Variants in ABCC6 observed in about 807,000 individuals in gnomAD.
The protein encoded by ABCC6 is ATP binding cassette subfamily C member 6.
Under a neutral mutation model 169.5 loss-of-function variants are expected in ABCC6, and 126 were observed. The ratio of observed to expected loss-of-function variants is 0.74; its 90% CI spans 0.64 to 0.86. The LOEUF (loss-of-function observed/expected upper bound fraction) is 0.86, where lower values mean the gene tolerates loss of function less well. ABCC6 is among the 40% of genes least tolerant of loss of function. ABCC6 has a pLI of 0.00. For missense variants in ABCC6, 1,733 were observed against 1,927.2 expected (o/e 0.90, Z 1.89); for synonymous variants, 752 against 814.7 (o/e 0.92, Z 1.31).
rs56071235 is a variant in ABCC6, at chr16:16,184,198, C to CAAAA, written c.1943+757_1943+760dup. On this transcript the variant is annotated intron_variant, in intron 15 of 30. Coordinates refer to ENST00000205557, the MANE Select transcript of ABCC6 (RefSeq NM_001171.6). ...CGCGTGATAGAGCAAGACTCCGTTTCAAAAAAAAAAAAAAAAAAAAAAAAA... is the reference window on the plus strand; with the variant it reads ...CGCGTGATAGAGCAAGACTCCGTTTCAAAAAAAAAAAAAAAAAAAAAAAAAAAAA... The CAAAA allele has an allele frequency of 3.6e-4, 26 of 71,948 alleles. 2 individuals are homozygous for CAAAA. The highest frequency in any genetic ancestry group is 1.2e-3 in the African/African-American group (19 of 16,148). The allele number at this position is 71,948 out of a possible 1,614,324, so 4.5% of individuals were successfully genotyped here. A position where few individuals can be genotyped will look rare whatever the true frequency, so the allele number is the denominator to read the frequency against.
intron 25 of ABCC6, among the ~76,000 whole-genome samples, chr16:16,160,172 C>T (rs908553477): frequency 1.3e-5 from 2 of 152,106 alleles, no homozygotes; most frequent in African/African-American, 4.8e-5. Flanking sequence ...TCACTTCCTC[C>T]TAAGTCACCT....
At position 16,152,946 on chromosome 16, in the gene ABCC6, G is replaced by C. The variant is rs937410874; in HGVS notation, c.4208+1682C>G. ...GAGTCTTACTCTGTCACCCAGGCTG[G>C]AGTGCAGTGGCACAATCTTGGCTCA... is the stretch of plus-strand genomic sequence containing the variant. On this transcript the variant is annotated intron_variant, in intron 29 of 30. Coordinates refer to ENST00000205557, the MANE Select transcript of ABCC6 (RefSeq NM_001171.6). 2.2e-4 allele frequency among the ~76,000 whole-genome samples: 33 copies of C among 152,076 alleles called. 1 individual carries two copies. The highest frequency in any genetic ancestry group is 7.7e-4 in the African/African-American group (32 of 41,488).
In ABCC6 at chr16:16,154,920, G is replaced by T. The variant is rs767636709; in HGVS notation, c.3994C>A (p.His1332Asn). 3 of 1,608,362 alleles carry T rather than the reference G, an allele frequency of 1.9e-6. No individual in the cohort carries two copies. The highest frequency in any genetic ancestry group is 1.7e-6 in the Non-Finnish European group (2 of 1,177,628). ...GAGCGCAGTGTGTGCAGCCCCACGT[G>T]GGCAATGGGGACCCCGTCGATCCAG... ...GIWIDGVPIA[H>N]VGLHTLRSRI... Residue 1332 changes from histidine to asparagine, a missense_variant, in exon 28 of 31, where the codon CAC becomes AAC. By Grantham distance (68) the His-to-Asn change is moderately conservative. This residue lies in a region of ABCC6 where 1,601 missense variants were observed against 1,635.5 expected (regional missense o/e 0.98). Transcript: ENST00000205557.
rs1404751032 is a variant in ABCC6 at position 16,184,963 on chromosome 16, G to A, written c.1939C>T (p.His647Tyr). ...ACTACGGGTGTCGTTCTGTACCTGT[G>A]GAGGCAGGGAGGGCTTTCCTGGGAC... ...AWSQESPPCL[H>Y]RINLTVPQGC... The change falls in exon 15 of 31, where the codon CAC (histidine) becomes TAC (tyrosine). Residue 647 changes from histidine to tyrosine, a missense_variant. Physicochemically the swap from His to Tyr is moderately conservative, Grantham distance 83. This residue lies in a region of ABCC6 where 1,601 missense variants were observed against 1,635.5 expected (regional missense o/e 0.98). Coordinates refer to ENST00000205557, the MANE Select transcript of ABCC6 (RefSeq NM_001171.6). 1 of 1,612,900 alleles carries A rather than the reference G, an allele frequency of 6.2e-7. No individual in the cohort carries two copies. The highest frequency in any genetic ancestry group is 2.2e-5 in the East Asian group (1 of 44,866).
At chr16:16,220,845 C>T (rs1040896331) in intron 2 of ABCC6, among the ~76,000 whole-genome samples, 17 of 150,576 alleles carry the variant, frequency 1.1e-4, no homozygotes, top group African/African-American at 3.7e-4. Context: ...TGCAGTGAGC[C>T]GAGATCGCAC....
intron 23 of ABCC6, 92 bp downstream of exon 23, chr16:16,165,531 G>T: frequency 7.0e-7 from 1 of 1,436,364 alleles, no homozygotes; most frequent in Non-Finnish European, 9.7e-7. Context: ...GTCCAGCTGG[G>T]TGAAACCTCA....
chr16:16,154,522 AGTGATAATC>A, intron 29 of ABCC6, 97 bp downstream of exon 29: 1 of 1,380,740 alleles, frequency 7.2e-7, no homozygotes, highest in South Asian at 1.2e-5. Flanking sequence ...AATGTAACAG[AGTGATAATC>A]CTATCGGGGG....
intron 11 of ABCC6, among the ~76,000 whole-genome samples, chr16:16,192,542 C>A (rs2152272444): frequency 6.6e-6 from 1 of 152,156 alleles, no homozygotes; most frequent in Non-Finnish European, 1.5e-5. Context: ...ATTTTGGATG[C>A]ATTTTGAAGG....
At chr16:16,206,249 G>A (rs2048388163) in intron 7 of ABCC6, among the ~76,000 whole-genome samples, 1 of 152,194 alleles carries the variant, frequency 6.6e-6, no homozygotes, top group Non-Finnish European at 1.5e-5. Flanking sequence ...GCCATTTAGT[G>A]CAGATCTCAC....
chr16:16,222,992 G>A (rs2049122974), intron 1 of ABCC6: 1 of 225,404 alleles, frequency 4.4e-6, no homozygotes, highest in Admixed American at 5.2e-5. Context: ...CCAGTTTATT[G>A]CTTCAACTCC....
rs571666620 is a variant in ABCC6 at position 16,213,686 on chromosome 16, G to A, written c.600+638C>T. Among the ~76,000 whole-genome samples, 916 of 145,608 alleles carry A rather than the reference G, an allele frequency of 6.3e-3. 10 individuals are homozygous for A. The highest frequency in any genetic ancestry group is 0.02 in the African/African-American group (780 of 39,312). On this transcript the variant is annotated intron_variant, in intron 5 of 30. Coordinates refer to ENST00000205557, the MANE Select transcript of ABCC6 (RefSeq NM_001171.6). The stretch of plus-strand genomic sequence containing the variant: ...AGCAATTCTCCTGCCTCAGCCTCCC[G>A]AGTAGCTGGGATTACAGGCGTGCAC...
chr16:16,154,647 C>T lies in ABCC6; in HGVS notation c.4189G>A (p.Asp1397Asn), dbSNP rs749035807. The T allele has an allele frequency of 5.0e-6, 8 of 1,612,492 alleles. No homozygotes were observed. The highest frequency in any genetic ancestry group is 3.3e-5 in the South Asian group (3 of 91,016). The change falls in exon 29 of 31, where the codon GAC becomes AAC. Residue 1397 changes from aspartate to asparagine, a missense_variant. By Grantham distance (23) the Asp-to-Asn change is conservative. Transcript: ENST00000205557. ...CCATACCTCAGGTCCTCGCCTCGGT[C>T]AGCACACTTGTACTGCAGCTGGCCG... ...LPGQLQYKCA[D>N]RGEDLSVGQK...
rs774043587 is a variant in ABCC6, at chr16:16,178,954, G to C, written c.2259C>G (p.Leu753=). 47 of 1,612,640 alleles carry C rather than the reference G, an allele frequency of 2.9e-5. No homozygotes were observed. Among genetic ancestry groups the C allele is most frequent in the Non-Finnish European group, 3.6e-5 (42 of 1,180,016 alleles). ...HTSIGEQGMN[L]SGGQKQRLSL... ...TCAGCCGCTGCTTCTGGCCTCCGGA[G>C]AGATTCATGCCCTGTGGCCACAAAA... The change falls in exon 18 of 31, where the codon CTC becomes CTG. Residue 753 remains leucine (L), a synonymous_variant. Transcript: ENST00000205557.
At chr16:16,192,342 A>G (rs1198304116) in intron 11 of ABCC6, among the ~76,000 whole-genome samples, 1 of 152,136 alleles carries the variant, frequency 6.6e-6, no homozygotes, top group Non-Finnish European at 1.5e-5. Context: ...TCTTTGGCTC[A>G]GTCTGAGGAA....
intron 21 of ABCC6, among the ~76,000 whole-genome samples, chr16:16,172,251 T>G: frequency 7.0e-6 from 1 of 143,692 alleles, no homozygotes; most frequent in Non-Finnish European, 1.5e-5. Context: ...GATGGATAAA[T>G]GGGTGGGTGG....
intron 8 of ABCC6, among the ~76,000 whole-genome samples, chr16:16,202,974 G>A (rs1233092758): frequency 1.3e-5 from 2 of 152,150 alleles, no homozygotes; most frequent in South Asian, 2.1e-4. Context: ...ACAAGTCTGA[G>A]CTAGCCTTTT....
rs369157557 is a variant in ABCC6 at position 16,150,616 on chromosome 16, G to A, written c.4365C>T (p.Leu1455=). ...TCACGGAGCGCAGGCGGTGGGCAATGAGCAGCACAGTGCACTGTGCAAACC... is the reference window on the plus strand; with the variant it reads ...TCACGGAGCGCAGGCGGTGGGCAATAAGCAGCACAGTGCACTGTGCAAACC... ...GSWFAQCTVL[L]IAHRLRSVMD... Residue 1455 remains leucine (L), a synonymous_variant, in exon 30 of 31, where the codon CTC becomes CTT. Transcript: ENST00000205557. 1 of 1,613,164 alleles carries A rather than the reference G, an allele frequency of 6.2e-7. No homozygotes were observed. The highest frequency in any genetic ancestry group is 1.3e-5 in the African/African-American group (1 of 74,948).
rs944015667 is a variant in ABCC6 at position 16,202,089 on chromosome 16, T to C, written c.1088A>G (p.Gln363Arg). ...CATGTTCTGCTGCTCAAACAGCGTT[T>C]GCAGGCAGGCTGAGAGGAACATCAG... Reference protein sequence around the residue: ...AVLMFLSACLQTLFEQQNMYR... With the variant: ...AVLMFLSACLRTLFEQQNMYR... Residue 363 changes from glutamine (Q) to arginine (R), a missense_variant, in exon 9 of 31, where the codon CAA becomes CGA. Physicochemically the swap from Gln to Arg is conservative, Grantham distance 43. This residue lies in a region of ABCC6 where 1,601 missense variants were observed against 1,635.5 expected (regional missense o/e 0.98). Coordinates refer to ENST00000205557, the MANE Select transcript of ABCC6 (RefSeq NM_001171.6). 1.9e-5 allele frequency: 31 copies of C among 1,614,008 alleles called. No homozygotes were observed. The highest frequency in any genetic ancestry group is 2.6e-5 in the Non-Finnish European group (31 of 1,179,880).
At chr16:16,155,280 C>T in intron 27 of ABCC6, 1 of 586,756 alleles carries the variant, frequency 1.7e-6, no homozygotes, top group Non-Finnish European at 3.0e-6. Context: ...CCCCACCCTT[C>T]CTTTAGTTCC....
Sources: gnomAD v4.1 joint callset for allele counts (sites outside exome capture counted in the v4.1 genomes callset) on GRCh38, gnomAD v4.1.1 for gene constraint, gnomAD v4.1.1 regional missense constraint, MANE v1.5 for transcripts, NCBI Gene and HGNC (gene_info 2026-07-23, HGNC 2026-07-21) for gene names.